The following ARHGEF33 variants were observed in gnomAD, a reference collection of about 807,000 sequenced individuals.
The protein encoded by ARHGEF33 is Rho guanine nucleotide exchange factor 33.
In ARHGEF33, 72 loss-of-function variants were observed where a neutral mutation model predicts 101.9. The ratio of observed to expected loss-of-function variants is 0.71; its 90% CI spans 0.58 to 0.86. The LOEUF (loss-of-function observed/expected upper bound fraction) is 0.86. ARHGEF33 is among the 40% of genes least tolerant of loss of function. ARHGEF33 has a pLI of 0.00. For synonymous variants in ARHGEF33, 499 were observed against 442.5 expected (o/e 1.13, Z -1.60); for missense variants, 1,169 against 1,111.3 (o/e 1.05, Z -0.74).
At chr2:38,951,593 C>T (rs1053653849) in intron 11 of ARHGEF33, among the ~76,000 whole-genome samples, 1 of 150,222 alleles carries the variant, frequency 6.7e-6, no homozygotes, top group Non-Finnish European at 1.5e-5. Context: ...ACAGCAAGAC[C>T]CTGTCTTTAT....
chr2:38,943,655 A>T (rs1667368420), intron 9 of ARHGEF33, among the ~76,000 whole-genome samples: 1 of 152,190 alleles, frequency 6.6e-6, no homozygotes, highest in Non-Finnish European at 1.5e-5. Flanking sequence ...GGTGTCTCCA[A>T]TCCTTGAGCT....
In ARHGEF33 at chr2:38,929,591, C is replaced by CTCAT. The variant is rs147997395; in HGVS notation, c.241-98_241-95dup. ...ACGATGGAAGTAAATTTTTTAATCT[C>CTCAT]TCATTCATTCATTCATTCATTCAAT... is the stretch of plus-strand genomic sequence containing the variant. On this transcript the variant is annotated intron_variant, in intron 5 of 17. Coordinates refer to ENST00000409978, the MANE Select transcript of ARHGEF33 (RefSeq NM_001145451.5). The CTCAT allele has an allele frequency of 4.3e-3, 3,470 of 798,822 alleles. 63 individuals are homozygous for CTCAT. The East Asian group carries it at 0.045, about 10-fold the overall frequency. The allele number at this position is 798,822 out of a possible 1,614,324, so 49.5% of individuals were successfully genotyped here. A position where few individuals can be genotyped will look rare whatever the true frequency, so the allele number is the denominator to read the frequency against.
intron 8 of ARHGEF33, 121 bp from the exon 9 acceptor site, chr2:38,937,214 T>C (rs933807549): frequency 4.9e-6 from 3 of 616,930 alleles, no homozygotes; most frequent in Non-Finnish European, 8.7e-6. Context: ...CAGGATGGTC[T>C]CAATCTCCTG....
chr2:38,924,015 G>A (rs1364775281), intron 4 of ARHGEF33, among the ~76,000 whole-genome samples: 4 of 151,890 alleles, frequency 2.6e-5, no homozygotes, highest in African/African-American at 9.7e-5. Context: ...CAAATTCAGA[G>A]GCAAATAACA....
At chr2:38,921,525 A>G (rs1364137333) in intron 4 of ARHGEF33, 102 bp downstream of exon 4, 2 of 789,478 alleles carry the variant, frequency 2.5e-6, no homozygotes, top group African/African-American at 1.7e-5. Flanking sequence ...GCTTCCACAT[A>G]TATCGTTGCA....
intron 10 of ARHGEF33, among the ~76,000 whole-genome samples, chr2:38,948,987 T>C (rs1016459671): frequency 2.0e-5 from 3 of 152,178 alleles, no homozygotes; most frequent in Non-Finnish European, 4.4e-5. Flanking sequence ...CTTTTGTACC[T>C]GTAGGGGATC....
chr2:38,959,645 C>T, intron 15 of ARHGEF33, 196 bp from the exon 16 acceptor site: 3 of 578,648 alleles, frequency 5.2e-6, no homozygotes, highest in Non-Finnish European at 8.9e-6. Flanking sequence ...TTCGGGCCTC[C>T]GCTCGACGGA....
intron 1 of ARHGEF33, among the ~76,000 whole-genome samples, chr2:38,894,469 T>C (rs1666077694): frequency 6.7e-6 from 1 of 149,458 alleles, no homozygotes; most frequent in South Asian, 2.1e-4. Flanking sequence ...GCTAGAAGTG[T>C]ATTTCTCTCT....
In ARHGEF33 at chr2:38,950,996, C is replaced by T; in HGVS notation, c.928C>T (p.Pro310Ser). 1 of 1,552,084 alleles carries T rather than the reference C, an allele frequency of 6.4e-7. No homozygotes were observed. The highest frequency in any genetic ancestry group is 8.7e-7 in the Non-Finnish European group (1 of 1,147,042). ...TCTCTATTCTGTTTCAAGCCTCTTC[C>T]CTGGCTCTTTACGGTACCTCGTCCA... Reference protein sequence around the residue: ...KRNSKERSLFPGSLRYLVQQH... With the variant: ...KRNSKERSLFSGSLRYLVQQH... Residue 310 changes from proline (P) to serine (S), a missense_variant, in exon 11 of 18, where the codon CCT (proline) becomes TCT (serine). By Grantham distance (74) the Pro-to-Ser change is moderately conservative. Transcript: ENST00000409978.
intron 1 of ARHGEF33, 41 bp downstream of exon 1, chr2:38,890,027 G>A (rs1335859781): frequency 2.5e-6 from 1 of 404,988 alleles, no homozygotes; most frequent in Non-Finnish European, 5.1e-6. Context: ...GCACTGAAAG[G>A]GGAAACAATT....
At chr2:38,959,684 G>A (rs1207943927) in intron 15 of ARHGEF33, 157 bp from the exon 16 acceptor site, 6 of 757,628 alleles carry the variant, frequency 7.9e-6, no homozygotes, top group Admixed American at 3.0e-5. Flanking sequence ...GCCTGGGAAC[G>A]GGGGTTCGTG....
Position 38,919,356 on chromosome 2 carries a change from T to C in ARHGEF33, c.-85-7T>C, listed in dbSNP as rs1464154903. On this transcript the variant is annotated splice_polypyrimidine_tract_variant and splice_region_variant and intron_variant, in intron 2 of 17. Coordinates refer to ENST00000409978, the MANE Select transcript of ARHGEF33 (RefSeq NM_001145451.5). ...TGTTATCCCTTACTCTTGATTTGAA[T>C]TGACAGGTGCAGGGAAGAGGAGGTG... 2.3e-5 allele frequency: 29 copies of C among 1,286,402 alleles called. No individual in the cohort carries two copies. The East Asian group carries it at 6.8e-4, about 30-fold the overall frequency. The allele number at this position is 1,286,402 out of a possible 1,614,324, so 79.7% of individuals were successfully genotyped here.
chr2:38,896,584 A>G (rs147383724), intron 2 of ARHGEF33, among the ~76,000 whole-genome samples: 105 of 152,328 alleles, frequency 6.9e-4, no homozygotes, highest in Non-Finnish European at 1.1e-3. Context: ...CTAGGTAACT[A>G]TTATGCCCAC....
chr2:38,934,073 G>T (rs555711648), intron 7 of ARHGEF33, among the ~76,000 whole-genome samples: 1 of 152,156 alleles, frequency 6.6e-6, no homozygotes, highest in South Asian at 2.1e-4. Context: ...TAATTTTTTT[G>T]AAAGATGTGG....
chr2:38,921,871 A>T (rs944224301), intron 4 of ARHGEF33, among the ~76,000 whole-genome samples: 2 of 152,224 alleles, frequency 1.3e-5, no homozygotes, highest in African/African-American at 4.8e-5. Flanking sequence ...AGGAGAGGGC[A>T]AAATCTGTTT....
chr2:38,919,345 C>G lies in ARHGEF33; in HGVS notation c.-85-18C>G. 8.3e-7 allele frequency: 1 copy of G among 1,209,768 alleles called. No homozygotes were observed. The highest frequency in any genetic ancestry group is 1.2e-6 in the Non-Finnish European group (1 of 838,624). The allele number at this position is 1,209,768 out of a possible 1,614,324, so 74.9% of individuals were successfully genotyped here. On this transcript the variant is annotated intron_variant, in intron 2 of 17. Coordinates refer to ENST00000409978, the MANE Select transcript of ARHGEF33 (RefSeq NM_001145451.5). ...ACAGTTTTACTTGTTATCCCTTACT[C>G]TTGATTTGAATTGACAGGTGCAGGG...
intron 1 of ARHGEF33, among the ~76,000 whole-genome samples, chr2:38,894,532 G>C (rs530302299): frequency 1.3e-5 from 2 of 152,282 alleles, no homozygotes; most frequent in East Asian, 1.9e-4. Flanking sequence ...AGGCAGTCTA[G>C]TGCTGTTAGA....
At chr2:38,916,515 G>A (rs2124989324) in intron 2 of ARHGEF33, among the ~76,000 whole-genome samples, 1 of 152,262 alleles carries the variant, frequency 6.6e-6, no homozygotes, top group East Asian at 1.9e-4. Flanking sequence ...AGTAATATTT[G>A]TATCAGCAAT....
At chr2:38,898,299 A>G (rs1333639664) in intron 2 of ARHGEF33, among the ~76,000 whole-genome samples, 1 of 152,242 alleles carries the variant, frequency 6.6e-6, no homozygotes, top group African/African-American at 2.4e-5. Context: ...CTGAAACTGT[A>G]TGAGAAAAAA....
Sources: allele counts gnomAD v4.1 joint callset (sites outside exome capture counted in the v4.1 genomes callset), GRCh38; gene constraint gnomAD v4.1.1; transcripts MANE v1.5; gene names NCBI Gene and HGNC (gene_info 2026-07-23, HGNC 2026-07-21).